The following COL5A2 variants were observed in gnomAD, a reference collection of about 807,000 sequenced individuals.
COL5A2 encodes collagen alpha-2(V) chain.
A neutral mutation model predicts 208.2 loss-of-function variants in COL5A2; 23 were observed. The ratio of observed to expected loss-of-function variants is 0.11; its 90% confidence interval spans 0.08 to 0.16. The LOEUF (loss-of-function observed/expected upper bound fraction) is 0.16, where lower values mean the gene tolerates loss of function less well. Among genes scored for constraint, COL5A2 ranks in the 10% least tolerant of loss-of-function variants. The pLI, the probability that COL5A2 is intolerant of heterozygous loss-of-function variation, is 1.00. For synonymous variants in COL5A2, 625 were observed against 628.5 expected, an observed-to-expected ratio of 0.99 and a Z score of 0.08; for missense variants, 1,590 against 1,956.4, an observed-to-expected ratio of 0.81 and a Z score of 3.53.
intron 49 of COL5A2, 43 bp downstream of exon 49, chr2:189,042,677 C>T: frequency 6.4e-7 from 1 of 1,562,626 alleles, no homozygotes; most frequent in Non-Finnish European, 8.8e-7. Context: ...TCAACAAAGG[C>T]ATTATTATTT....
chr2:189,375,792 A>T, the COL5A2 span, among the ~76,000 whole-genome samples: 1 of 152,248 alleles, frequency 6.6e-6, no homozygotes, highest in Non-Finnish European at 1.5e-5. Context: ...GTGAGTAAAA[A>T]GGAAAAAATT....
At chr2:189,065,399 AAGTGCCTGTATCCC>A (rs989676755) in intron 23 of COL5A2, among the ~76,000 whole-genome samples, 11 of 152,068 alleles carry the variant, frequency 7.2e-5, no homozygotes, top group Admixed American at 2.6e-4. Flanking sequence ...GTATAGTGGC[AAGTGCCTGTATCCC>A]AGCTACTCAA....
At chr2:189,070,662 CCT>C (rs142837973) in intron 18 of COL5A2, among the ~76,000 whole-genome samples, 7,478 of 152,230 alleles carry the variant, frequency 0.049, 278 homozygotes, top group Middle Eastern at 0.082. Context: ...GTAGTATAAA[CCT>C]CTTTCTGCTA....
chr2:189,309,800 C>T, the COL5A2 span, among the ~76,000 whole-genome samples: 1 of 152,144 alleles, frequency 6.6e-6, no homozygotes. Context: ...TTTGTCTGTG[C>T]TTCTGCTAGA....
At chr2:189,350,993 A>G in the COL5A2 span, among the ~76,000 whole-genome samples, 1 of 152,212 alleles carries the variant, frequency 6.6e-6, no homozygotes. Context: ...ACCCTGGCTA[A>G]TATCAGAATA....
At chr2:189,374,969 C>T in the COL5A2 span, among the ~76,000 whole-genome samples, 114 of 151,500 alleles carry the variant, frequency 7.5e-4, no homozygotes, top group Non-Finnish European at 1.5e-3. Flanking sequence ...AATATGCCCT[C>T]ATAATGTAAA....
chr2:189,434,131 C>G, the COL5A2 span, among the ~76,000 whole-genome samples: 2,770 of 145,222 alleles, frequency 0.019, 32 homozygotes, highest in Non-Finnish European at 0.029. Context: ...ATTCAACAGC[C>G]CTTCATGCTA....
At chr2:189,158,594 C>T (rs1688300345) in intron 1 of COL5A2, among the ~76,000 whole-genome samples, 1 of 152,034 alleles carries the variant, frequency 6.6e-6, no homozygotes, top group African/African-American at 2.4e-5. Context: ...AAAACAACTA[C>T]TCTCTCAAAA....
chr2:189,191,184 A>C (rs576084764), intron 1 of COL5A2, among the ~76,000 whole-genome samples: 2 of 145,392 alleles, frequency 1.4e-5, no homozygotes, highest in African/African-American at 2.5e-5. Flanking sequence ...AAACAACAAC[A>C]AAAAAAACCA....
intron 53 of COL5A2, 53 bp downstream of exon 53, chr2:189,034,863 C>T (rs1685411006): frequency 6.2e-7 from 1 of 1,609,232 alleles, no homozygotes; most frequent in African/African-American, 1.3e-5. Flanking sequence ...GTATTTTTAA[C>T]AAAAATAATT....
the COL5A2 span, among the ~76,000 whole-genome samples, chr2:189,384,031 A>AT: frequency 2.6e-5 from 4 of 151,674 alleles, no homozygotes; most frequent in East Asian, 1.9e-4. Context: ...TACCTGGCTT[A>AT]TTTTTTTTAA....
chr2:189,048,150 T>C (rs977851664), intron 45 of COL5A2, 59 bp downstream of exon 45: 1 of 1,503,480 alleles, frequency 6.7e-7, no homozygotes, highest in East Asian at 2.3e-5. Flanking sequence ...TTAGTGTAAA[T>C]TAAAAAGATT....
chr2:189,172,580 A>T (rs1370054259), intron 1 of COL5A2, among the ~76,000 whole-genome samples: 1 of 152,156 alleles, frequency 6.6e-6, no homozygotes, highest in Non-Finnish European at 1.5e-5. Context: ...GAGGTTAAGG[A>T]CCCTCTGCAG....
At chr2:189,419,706 G>A in the COL5A2 span, among the ~76,000 whole-genome samples, 1 of 151,846 alleles carries the variant, frequency 6.6e-6, no homozygotes, top group Non-Finnish European at 1.5e-5. Flanking sequence ...TGAGGCAGGA[G>A]GATCGCCTGA....
At chr2:189,041,837 T>C (rs757921411) in intron 49 of COL5A2, 144 bp from the exon 50 acceptor site, 1 of 626,670 alleles carries the variant, frequency 1.6e-6, no homozygotes, top group South Asian at 1.9e-5. Flanking sequence ...AATGAACTTC[T>C]GGTACTTTGT....
At chr2:189,424,424 T>C in the COL5A2 span, among the ~76,000 whole-genome samples, 10 of 152,240 alleles carry the variant, frequency 6.6e-5, no homozygotes, top group African/African-American at 2.4e-4. Context: ...TGTACTTTTT[T>C]TAAAAACTAA....
the COL5A2 span, among the ~76,000 whole-genome samples, chr2:189,325,419 C>T: frequency 4.6e-5 from 7 of 151,796 alleles, no homozygotes; most frequent in East Asian, 3.9e-4. Flanking sequence ...CTGTTCCTAG[C>T]GGTCCTTCCA....
the COL5A2 span, among the ~76,000 whole-genome samples, chr2:189,256,274 T>C: frequency 2.6e-5 from 4 of 152,286 alleles, no homozygotes; most frequent in South Asian, 6.2e-4. Context: ...TCAAACAGAT[T>C]GGAGGGACAA....
In COL5A2 at chr2:189,067,134, C is replaced by T. The variant is rs111383103; in HGVS notation, c.1402-352G>A. Among the ~76,000 whole-genome samples the T allele has an allele frequency of 7.5e-4, 114 of 152,156 alleles. 1 individual carries two copies. Among genetic ancestry groups the T allele is most frequent in the African/African-American group, 2.6e-3 (110 of 41,520 alleles). On this transcript the variant is annotated intron_variant, in intron 21 of 53. Coordinates refer to ENST00000374866, the MANE Select transcript of COL5A2 (RefSeq NM_000393.5). The stretch of plus-strand genomic sequence containing the variant: ...CAATGACAATTTCTATAGATAAATA[C>T]ATTTAGGCTGTATTTTAGGATGTGA...
Sources: gnomAD v4.1 joint callset for allele counts (sites outside exome capture counted in the v4.1 genomes callset) on GRCh38, gnomAD v4.1.1 for gene constraint, MANE v1.5 for transcripts, NCBI Gene and HGNC (gene_info 2026-07-23, HGNC 2026-07-21) for gene names.